INPP4A: variants seen among roughly 807,000 people sequenced by gnomAD.
INPP4A encodes the protein inositol polyphosphate-4-phosphatase type I A.
A neutral mutation model predicts 119.8 loss-of-function variants in INPP4A; 33 were observed. That is an observed-to-expected ratio of 0.28 (90% CI 0.21 to 0.37). INPP4A has a LOEUF of 0.37. INPP4A is among the 10% of genes least tolerant of loss of function. The pLI is 1.00. For missense variants in INPP4A, 956 were observed against 1,289.9 expected, an observed-to-expected ratio of 0.74 and a Z score of 3.97; for synonymous variants, 496 against 500.7, an observed-to-expected ratio of 0.99 and a Z score of 0.12.
At chr2:98,486,420 C>G (rs1271098559) in intron 1 of INPP4A, among the ~76,000 whole-genome samples, 1 of 152,148 alleles carries the variant, frequency 6.6e-6, no homozygotes, top group Non-Finnish European at 1.5e-5. Flanking sequence ...TTTCCTTGCT[C>G]TTGGTTATCT....
intron 1 of INPP4A, among the ~76,000 whole-genome samples, chr2:98,476,166 T>C (rs1677164808): frequency 6.6e-6 from 1 of 152,240 alleles, no homozygotes; most frequent in Non-Finnish European, 1.5e-5. Flanking sequence ...AAGATTCACA[T>C]TGTAGAAACT....
chr2:98,549,110 C>A, intron 13 of INPP4A: 1 of 670,492 alleles, frequency 1.5e-6, no homozygotes, highest in Non-Finnish European at 2.5e-6. Context: ...CATAAACAGT[C>A]CTCCCTTCCA....
chr2:98,497,215 T>A (rs951590052), intron 1 of INPP4A, among the ~76,000 whole-genome samples: 1 of 152,218 alleles, frequency 6.6e-6, no homozygotes, highest in Non-Finnish European at 1.5e-5. Context: ...AAGTCAAGAA[T>A]TGGGGTTTGG....
rs147734319 is a variant in INPP4A, at chr2:98,578,851, G to T, written c.2786+1708G>T. On this transcript the variant is annotated intron_variant, in intron 24 of 24. Transcript: ENST00000409851. ...CAGTTTCCTAATGTGAACAGGTAGC[G>T]CTGCGGACATTTGGATACATACTGT... Among the ~76,000 whole-genome samples the T allele has an allele frequency of 5.5e-3, 839 of 152,334 alleles. 11 individuals carry two copies. The highest frequency in any genetic ancestry group is 6.8e-3 in the South Asian group (33 of 4,828).
At chr2:98,494,535 G>T (rs1167112005) in intron 1 of INPP4A, among the ~76,000 whole-genome samples, 3 of 152,018 alleles carry the variant, frequency 2.0e-5, no homozygotes, top group African/African-American at 7.3e-5. Context: ...AGGAGAGGTA[G>T]GCTATAATAA....
chr2:98,570,711 G>A lies in INPP4A; in HGVS notation c.2518+2043G>A, dbSNP rs938991484. Reference sequence around the variant, plus strand: ...AGACCAGGCCCTGGAGTGGGCAGGCGGAGGGTGCCCTTGCAGGGAGGGAAG... The same window carrying A: ...AGACCAGGCCCTGGAGTGGGCAGGCAGAGGGTGCCCTTGCAGGGAGGGAAG... On this transcript the variant is annotated intron_variant, in intron 22 of 24. Transcript: ENST00000409851. This position sits in a 1 kb window ranked among gnomAD's most constrained non-coding sequence, Gnocchi z 4.3. Among the ~76,000 whole-genome samples the A allele has an allele frequency of 3.9e-5, 6 of 152,118 alleles. No individual in the cohort carries two copies. Among genetic ancestry groups the A allele is most frequent in the Non-Finnish European group, 7.4e-5 (5 of 68,000 alleles).
At position 98,488,191 on chromosome 2, in the gene INPP4A, A is replaced by G. The variant is rs114202020; in HGVS notation, c.-165-30773A>G. Among the ~76,000 whole-genome samples, 790 of 152,242 alleles carry G rather than the reference A, an allele frequency of 5.2e-3. 12 individuals are homozygous for G. The highest frequency in any genetic ancestry group is 0.018 in the African/African-American group (734 of 41,548). ...TGAGTACTTCCTTATTGGCACTGCA[A>G]GATACTCCAGGCTCATCTTGTGTAT... is the stretch of plus-strand genomic sequence containing the variant. On this transcript the variant is annotated intron_variant, in intron 1 of 24. Coordinates refer to ENST00000409851, the MANE Select transcript of INPP4A (RefSeq NM_001134225.2).
chr2:98,465,559 CT>C (rs1010420674), intron 1 of INPP4A, among the ~76,000 whole-genome samples: 1 of 152,154 alleles, frequency 6.6e-6, no homozygotes, highest in African/African-American at 2.4e-5. Flanking sequence ...CCTGCCATAC[CT>C]CACAGCAGCC....
At position 98,497,547 on chromosome 2, in the gene INPP4A, T is replaced by C. The variant is rs1682259719; in HGVS notation, c.-165-21417T>C. ...TACCCTGCTGGCCATTTGCACATCT[T>C]CTTTTGGGAAATGTCTATTCAGATC... On this transcript the variant is annotated intron_variant, in intron 1 of 24. Coordinates refer to ENST00000409851, the MANE Select transcript of INPP4A (RefSeq NM_001134225.2). 5.3e-5 allele frequency among the ~76,000 whole-genome samples: 8 copies of C among 152,366 alleles called. No homozygotes were observed. In the South Asian group the frequency reaches 1.7e-3, roughly 32 times the overall value.
intron 24 of INPP4A, among the ~76,000 whole-genome samples, chr2:98,579,920 G>A (rs1351977590): frequency 2.6e-5 from 4 of 152,370 alleles, no homozygotes; most frequent in East Asian, 1.9e-4. Flanking sequence ...CAGAATTCTC[G>A]CACCAGCTCT....
intron 24 of INPP4A, 61 bp downstream of exon 24, chr2:98,577,204 G>A: frequency 6.7e-7 from 1 of 1,487,528 alleles, no homozygotes; most frequent in South Asian, 1.3e-5. Flanking sequence ...CTGCAGATGA[G>A]CTGGTACCCT....
intron 5 of INPP4A, among the ~76,000 whole-genome samples, chr2:98,534,166 T>G (rs1417286984): frequency 6.6e-6 from 1 of 152,250 alleles, no homozygotes; most frequent in Non-Finnish European, 1.5e-5. Context: ...CTTAGAAACT[T>G]ATTTCCAAGT....
intron 1 of INPP4A, among the ~76,000 whole-genome samples, chr2:98,495,319 T>TA (rs1478310268): frequency 2.0e-5 from 3 of 152,250 alleles, no homozygotes; most frequent in African/African-American, 7.2e-5. Flanking sequence ...TGTCTATTTT[T>TA]ATACCAGTAC....
intron 1 of INPP4A, among the ~76,000 whole-genome samples, chr2:98,471,667 C>T (rs1019183580): frequency 4.6e-5 from 7 of 151,680 alleles, no homozygotes; most frequent in Admixed American, 3.9e-4. Flanking sequence ...GACTGGCTGT[C>T]TGTAAGCTTT....
In INPP4A at chr2:98,590,168, C is replaced by G. The variant is rs949961884; in HGVS notation, c.*2560C>G. On this transcript the variant is annotated 3_prime_UTR_variant, in exon 25 of 25. Transcript: ENST00000409851. ...GACAAGATATTAAATGTGGTCTTGCCTGATTCATCCTATTAGGAGGACTAG... is the reference window on the plus strand; with the variant it reads ...GACAAGATATTAAATGTGGTCTTGCGTGATTCATCCTATTAGGAGGACTAG... 3 of 201,944 alleles carry G rather than the reference C, an allele frequency of 1.5e-5. No individual in the cohort carries two copies. Among genetic ancestry groups the G allele is most frequent in the African/African-American group, 6.9e-5 (3 of 43,586 alleles). 12.5% of individuals were successfully genotyped at this position (201,944 alleles called of 1,614,324 possible).
chr2:98,485,730 C>G lies in INPP4A; in HGVS notation c.-165-33234C>G, dbSNP rs17032582. 4.6e-3 allele frequency among the ~76,000 whole-genome samples: 695 copies of G among 152,254 alleles called. 7 individuals carry two copies. The highest frequency in any genetic ancestry group is 0.016 in the African/African-American group (653 of 41,554). On this transcript the variant is annotated intron_variant, in intron 1 of 24. Coordinates refer to ENST00000409851, the MANE Select transcript of INPP4A (RefSeq NM_001134225.2). ...GAGATGTGTGGGAACTTTTTTGATT[C>G]ATCACCCTTGGAATGGTTACAGAGT...
Position 98,593,876 on chromosome 2 carries a change from C to T in INPP4A, c.*6268C>T, listed in dbSNP as rs1700501535. 1 of 151,750 alleles carries T rather than the reference C, an allele frequency of 6.6e-6. No homozygotes were observed. Among genetic ancestry groups the T allele is most frequent in the Non-Finnish European group, 1.5e-5 (1 of 67,702 alleles). 9.4% of individuals were successfully genotyped at this position (151,750 alleles called of 1,614,324 possible). A position where few individuals can be genotyped will look rare whatever the true frequency, so the allele number is the denominator to read the frequency against. On this transcript the variant is annotated 3_prime_UTR_variant, in exon 25 of 25. Coordinates refer to ENST00000409851, the MANE Select transcript of INPP4A (RefSeq NM_001134225.2). ...CCTGCAAGGCTAGTCTCAGGTCTGC[C>T]TTCCTCTATGGTGATTTCTCCCCAC...
chr2:98,473,706 C>T (rs1234113492), intron 1 of INPP4A, among the ~76,000 whole-genome samples: 5 of 151,950 alleles, frequency 3.3e-5, no homozygotes, highest in African/African-American at 1.2e-4. Context: ...GGTGGGTGGG[C>T]GGATGGCACC....
intron 1 of INPP4A, among the ~76,000 whole-genome samples, chr2:98,476,841 A>G (rs578136277): frequency 1.2e-4 from 19 of 152,260 alleles, no homozygotes; most frequent in African/African-American, 4.6e-4. Context: ...TTTAACAGTA[A>G]TTAACCTTCT....
Sources: allele counts gnomAD v4.1 joint callset (sites outside exome capture counted in the v4.1 genomes callset), GRCh38; gene constraint gnomAD v4.1.1; non-coding constraint Gnocchi (gnomAD v3.1); transcripts MANE v1.5; gene names NCBI Gene and HGNC (gene_info 2026-07-23, HGNC 2026-07-21).